Variants in TXNRD2 observed in about 807,000 individuals in gnomAD.
TXNRD2 encodes thioredoxin reductase 2, mitochondrial.
TXNRD2 carries 67 observed loss-of-function variants against 70.8 expected under a neutral mutation model. That is an observed-to-expected ratio of 0.95 (90% CI 0.78 to 1.16). The LOEUF is 1.16. Ranked by LOEUF, TXNRD2 falls within the 50% of genes most tolerant of loss-of-function variation. TXNRD2 has a pLI of 0.00. For missense variants in TXNRD2, 644 were observed against 719.9 expected (o/e 0.89, Z 1.21); for synonymous variants, 301 against 295.8 (o/e 1.02, Z -0.18).
At chr22:19,909,661 ACAC>A (rs1296069431) in intron 8 of TXNRD2, among the ~76,000 whole-genome samples, 71 of 134,716 alleles carry the variant, frequency 5.3e-4, no homozygotes, top group Admixed American at 1.0e-3. Context: ...CCATTCACAC[ACAC>A]ACCACTCACA....
chr22:19,923,890 G>A (rs904211003), intron 2 of TXNRD2, among the ~76,000 whole-genome samples: 14 of 137,376 alleles, frequency 1.0e-4, no homozygotes, highest in Non-Finnish European at 1.8e-4. Flanking sequence ...CTTCTGACTG[G>A]TACAACTGCA....
At chr22:19,923,835 C>A (rs1941011516) in intron 2 of TXNRD2, among the ~76,000 whole-genome samples, 1 of 134,716 alleles carries the variant, frequency 7.4e-6, no homozygotes, top group Non-Finnish European at 1.5e-5. Flanking sequence ...TTCACTGAAA[C>A]CCCTGAGGCT....
chr22:19,932,895 C>A (rs144447715), intron 1 of TXNRD2, among the ~76,000 whole-genome samples: 1 of 152,358 alleles, frequency 6.6e-6, no homozygotes, highest in East Asian at 1.9e-4. Flanking sequence ...CCACCTCCAC[C>A]TTCCTAGGCA....
chr22:19,901,844 G>GAGGTGCTGGCCACAGAAGTCAC (rs1939792649), intron 8 of TXNRD2, among the ~76,000 whole-genome samples: 1 of 152,168 alleles, frequency 6.6e-6, no homozygotes, highest in East Asian at 1.9e-4. Flanking sequence ...ACAGAAGTCA[G>GAGGTGCTGGCCACAGAAGTCAC]GGGACCAGCT....
intron 11 of TXNRD2, among the ~76,000 whole-genome samples, chr22:19,892,130 A>G (rs1019443185): frequency 2.6e-5 from 4 of 152,390 alleles, no homozygotes; most frequent in African/African-American, 9.6e-5. Flanking sequence ...TACAGGAAGC[A>G]GAGTCGGAGA....
In TXNRD2 at chr22:19,923,460, G is replaced by A. The variant is rs372493670; in HGVS notation, c.173-3861C>T. On this transcript the variant is annotated intron_variant, in intron 2 of 17. Coordinates refer to ENST00000400521, the MANE Select transcript of TXNRD2 (RefSeq NM_006440.5). ...CCTGGCTCTGGGCTGTATCAGCCTT[G>A]AACTCGGTCACATCAAACATCTGAC... Among the ~76,000 whole-genome samples, 23 of 152,268 alleles carry A rather than the reference G, an allele frequency of 1.5e-4. No individual in the cohort carries two copies. In the East Asian group the frequency reaches 1.9e-3, roughly 13 times the overall value.
chr22:19,927,651 C>CAAAAAAAAAAAAAAAAAAAAA (rs149665821), intron 2 of TXNRD2, among the ~76,000 whole-genome samples: 4 of 68,406 alleles, frequency 5.8e-5, no homozygotes, highest in East Asian at 5.7e-4. Flanking sequence ...GACCTTGTCT[C>CAAAAAAAAAAAAAAAAAAAAA]AAAAAAAAAA....
chr22:19,926,788 A>C (rs9606182), intron 2 of TXNRD2, among the ~76,000 whole-genome samples: 47,383 of 152,072 alleles, frequency 0.31, 7,979 homozygotes, highest in East Asian at 0.6. Context: ...CTGAAAACAA[A>C]CAACCAACCA....
intron 1 of TXNRD2, chr22:19,932,655 C>CTTGCTATT: frequency 8.2e-7 from 1 of 1,225,088 alleles, no homozygotes; most frequent in Non-Finnish European, 1.1e-6. Flanking sequence ...GGACTGATGA[C>CTTGCTATT]AAGACTCTAG....
chr22:19,894,902 C>T (rs1023557640), intron 11 of TXNRD2: 40 of 1,002,092 alleles, frequency 4.0e-5, no homozygotes, highest in African/African-American at 2.0e-4. Flanking sequence ...GCAGGAGAAT[C>T]GCTTGAACCC....
rs1388529732 is a variant in TXNRD2, at chr22:19,883,357, G to T, written c.1054C>A (p.Pro352Thr). 5.0e-6 allele frequency: 8 copies of T among 1,613,870 alleles called. No individual in the cohort carries two copies. In the African/African-American group the frequency reaches 1.1e-4, roughly 22 times the overall value. ...ACGTCACCAATGGCGTAGATGTGGGGCACAGAGGTGGCTTCCCGGGAGTCC... is the reference window on the plus strand; with the variant it reads ...ACGTCACCAATGGCGTAGATGTGGGTCACAGAGGTGGCTTCCCGGGAGTCC... ...LVDSREATSV[P>T]HIYAIGDVVE... The change falls in exon 12 of 18, where the codon CCC becomes ACC. Residue 352 changes from proline to threonine, a missense_variant. Pro to Thr is a conservative substitution (Grantham distance 38). Coordinates refer to ENST00000400521, the MANE Select transcript of TXNRD2 (RefSeq NM_006440.5).
intron 8 of TXNRD2, among the ~76,000 whole-genome samples, chr22:19,905,289 CAT>C (rs1257938512): frequency 6.6e-6 from 1 of 152,160 alleles, no homozygotes; most frequent in African/African-American, 2.4e-5. Flanking sequence ...TAAACAATAA[CAT>C]ACCTAGATTC....
intron 2 of TXNRD2, among the ~76,000 whole-genome samples, chr22:19,930,481 C>G (rs1296402269): frequency 9.9e-5 from 15 of 152,252 alleles, no homozygotes; most frequent in Admixed American, 5.2e-4. Context: ...ACCTCTGGGT[C>G]CAGCCCGTTC....
At chr22:19,933,570 C>G (rs1222887980) in intron 1 of TXNRD2, 1 of 1,232,136 alleles carries the variant, frequency 8.1e-7, no homozygotes, top group Non-Finnish European at 1.1e-6. Context: ...ATGTGCTTAT[C>G]TTGGGCAGCT....
At chr22:19,931,685 T>C (rs1051450366) in intron 1 of TXNRD2, among the ~76,000 whole-genome samples, 9 of 152,108 alleles carry the variant, frequency 5.9e-5, no homozygotes, top group Non-Finnish European at 1.0e-4. Context: ...TTTTGTTTTG[T>C]AGAGATGGGG....
In TXNRD2 at chr22:19,918,258, G is replaced by C. The variant is rs147737168; in HGVS notation, c.375-41C>G. ...ACAAAATGTAAAATCCACAACACAG[G>C]TGTTAGCTGCAGGGCCTCACGATGG... On this transcript the variant is annotated intron_variant, in intron 4 of 17. Coordinates refer to ENST00000400521, the MANE Select transcript of TXNRD2 (RefSeq NM_006440.5). 2.0e-5 allele frequency: 31 copies of C among 1,561,456 alleles called. 2 individuals are homozygous for C. In the Middle Eastern group the frequency reaches 1.7e-3, roughly 84 times the overall value.
chr22:19,909,718 GCA>G (rs753427140), intron 8 of TXNRD2, among the ~76,000 whole-genome samples: 12 of 36,038 alleles, frequency 3.3e-4, no homozygotes, highest in South Asian at 1.0e-3. Flanking sequence ...CACACACCAC[GCA>G]CACACACCAC....
At chr22:19,897,917 GGT>G in intron 10 of TXNRD2, 120 bp downstream of exon 10, 1 of 768,068 alleles carries the variant, frequency 1.3e-6, no homozygotes, top group Non-Finnish European at 2.1e-6. Context: ...CCAATTCAAG[GGT>G]TATCTCTAAA....
chr22:19,928,483 A>G (rs927812033), intron 2 of TXNRD2, among the ~76,000 whole-genome samples: 2 of 152,256 alleles, frequency 1.3e-5, no homozygotes, highest in African/African-American at 4.8e-5. Context: ...GATGACATAC[A>G]GCAGCATTCC....
Sources: allele counts gnomAD v4.1 joint callset (sites outside exome capture counted in the v4.1 genomes callset), GRCh38; gene constraint gnomAD v4.1.1; transcripts MANE v1.5; gene names NCBI Gene and HGNC (gene_info 2026-07-23, HGNC 2026-07-21).